The following GSG1L variants were observed in gnomAD, a reference collection of about 807,000 sequenced individuals.
The protein encoded by GSG1L is germ cell-specific gene 1-like protein.
A neutral mutation model predicts 42.1 loss-of-function variants in GSG1L; 24 were observed. The ratio of observed to expected loss-of-function variants is 0.57; its 90% CI spans 0.41 to 0.80. The LOEUF (loss-of-function observed/expected upper bound fraction) is 0.80, where lower values mean the gene tolerates loss of function less well. Among genes scored for constraint, GSG1L ranks in the 30% least tolerant of loss-of-function variants. The pLI is 0.00. For synonymous variants in GSG1L, 215 were observed against 203.5 expected (o/e 1.06, Z -0.48); for missense variants, 445 against 472.2 (o/e 0.94, Z 0.53).
intron 2 of GSG1L, among the ~76,000 whole-genome samples, chr16:27,895,989 C>G (rs886276915): frequency 6.6e-6 from 1 of 152,162 alleles, no homozygotes; most frequent in African/African-American, 2.4e-5. Context: ...GTCTACAAAC[C>G]AGCAGCGTCA....
intron 3 of GSG1L, among the ~76,000 whole-genome samples, chr16:27,855,883 C>G (rs542661101): frequency 6.6e-6 from 1 of 151,966 alleles, no homozygotes; most frequent in African/African-American, 2.4e-5. Context: ...GAGCCTACAC[C>G]GGGTGCTCTG....
In GSG1L at chr16:27,966,753, T is replaced by G. The variant is rs143647369; in HGVS notation, c.350-3550A>C. On this transcript the variant is annotated intron_variant, in intron 1 of 6. Transcript: ENST00000447459. ...AGAGAGGGGGCGCACGCTGGACCTA[T>G]GCTCACAAACACATTTTGTTTGACC... Among the ~76,000 whole-genome samples the G allele has an allele frequency of 1.5e-3, 233 of 152,338 alleles. 1 individual carries two copies. The highest frequency in any genetic ancestry group is 4.6e-3 in the African/African-American group (190 of 41,578).
At chr16:27,895,165 T>C (rs2084176441) in intron 2 of GSG1L, among the ~76,000 whole-genome samples, 1 of 152,130 alleles carries the variant, frequency 6.6e-6, no homozygotes, top group Non-Finnish European at 1.5e-5. Context: ...ATTTTAAAAA[T>C]ATCTGAATTC....
chr16:28,035,520 G>A (rs964541858), intron 1 of GSG1L, among the ~76,000 whole-genome samples: 4 of 152,140 alleles, frequency 2.6e-5, no homozygotes, highest in African/African-American at 7.2e-5. Context: ...CCCATCACAA[G>A]AGCAGGCAGT....
At position 28,063,202 on chromosome 16, in the gene GSG1L, TGGC is replaced by T. The variant is rs746146565; in HGVS notation, c.220_222del (p.Ala74del). 1,709 of 1,261,638 alleles carry T rather than the reference TGGC, an allele frequency of 1.4e-3. No homozygotes were observed. The highest frequency in any genetic ancestry group is 7.8e-3 in the South Asian group (319 of 40,870). The allele number at this position is 1,261,638 out of a possible 1,614,324, so 78.2% of individuals were successfully genotyped here. A position where few individuals can be genotyped will look rare whatever the true frequency, so the allele number is the denominator to read the frequency against. ...CCAGGGGGGCCGTTCCCCGAGGCGGTGGCGGCGGCGGCGGCGGCGGCGGGGGCG... is the reference window on the plus strand; with the variant it reads ...CCAGGGGGGCCGTTCCCCGAGGCGGTGGCGGCGGCGGCGGCGGCGGGGGCG... On this transcript the variant is annotated inframe_deletion, in exon 1 of 7. Transcript: ENST00000447459. This position sits in a 1 kb window ranked among gnomAD's most constrained non-coding sequence, Gnocchi z 5.8.
chr16:27,982,582 C>A (rs868394406), intron 1 of GSG1L, among the ~76,000 whole-genome samples: 1 of 152,074 alleles, frequency 6.6e-6, no homozygotes, highest in Non-Finnish European at 1.5e-5. Flanking sequence ...GTCTATTTTG[C>A]GTTGCTATAA....
chr16:27,807,942 A>G (rs1447845102), intron 5 of GSG1L, among the ~76,000 whole-genome samples: 1 of 152,244 alleles, frequency 6.6e-6, no homozygotes, highest in Non-Finnish European at 1.5e-5. Context: ...CACAGAAATT[A>G]TTTTGGCAGA....
intron 3 of GSG1L, among the ~76,000 whole-genome samples, chr16:27,874,437 G>T (rs2083859818): frequency 1.0e-5 from 1 of 95,334 alleles, no homozygotes; most frequent in Non-Finnish European, 2.1e-5. Flanking sequence ...AAGCACAGGA[G>T]AGCCTTTTTT....
chr16:27,869,597 GTC>G (rs1460278568), intron 3 of GSG1L, among the ~76,000 whole-genome samples: 2 of 114,778 alleles, frequency 1.7e-5, no homozygotes, highest in Admixed American at 9.5e-5. Flanking sequence ...CCTTCTCTCT[GTC>G]TCTGTCTCCA....
chr16:27,820,346 C>A (rs2083138423), intron 5 of GSG1L, among the ~76,000 whole-genome samples: 1 of 152,030 alleles, frequency 6.6e-6, no homozygotes, highest in South Asian at 2.1e-4. Context: ...CACACAGGAC[C>A]AGGAGAAGTG....
intron 1 of GSG1L, among the ~76,000 whole-genome samples, chr16:28,042,164 A>G: frequency 6.6e-6 from 1 of 152,160 alleles, no homozygotes; most frequent in East Asian, 1.9e-4. Context: ...GGCTGGGCGC[A>G]GTGGTTCGTG....
chr16:27,964,498 C>T (rs900074046), intron 1 of GSG1L, among the ~76,000 whole-genome samples: 1 of 152,078 alleles, frequency 6.6e-6, no homozygotes, highest in Non-Finnish European at 1.5e-5. Context: ...TGGATAGCAG[C>T]ACTATCCAAG....
intron 1 of GSG1L, among the ~76,000 whole-genome samples, chr16:28,017,847 T>C (rs2085797388): frequency 6.6e-6 from 1 of 152,144 alleles, no homozygotes; most frequent in Non-Finnish European, 1.5e-5. Context: ...AAGTGACTCA[T>C]GCAAAATTAA....
intron 1 of GSG1L, among the ~76,000 whole-genome samples, chr16:28,058,292 C>A (rs2086301016): frequency 6.6e-6 from 1 of 152,230 alleles, no homozygotes; most frequent in Admixed American, 6.5e-5. Context: ...ATGAGAGCAA[C>A]CACGGCACCC....
intron 1 of GSG1L, among the ~76,000 whole-genome samples, chr16:28,029,530 G>GGGATGGATGGATGGATGGATGGAT (rs60587266): frequency 1.0e-4 from 15 of 149,358 alleles, no homozygotes; most frequent in South Asian, 2.2e-4. Context: ...GGTGCATGAA[G>GGGATGGATGGATGGATGGATGGAT]GGATGGATGG....
rs35388739 is a variant in GSG1L, at chr16:27,906,114, TA to T, written c.398-21477del. Among the ~76,000 whole-genome samples, 495 of 149,578 alleles carry T rather than the reference TA, an allele frequency of 3.3e-3. 4 individuals are homozygous for T. Among genetic ancestry groups the T allele is most frequent in the African/African-American group, 0.011 (465 of 40,768 alleles). On this transcript the variant is annotated intron_variant, in intron 2 of 6. Coordinates refer to ENST00000447459, the MANE Select transcript of GSG1L (RefSeq NM_001109763.2). ...TTCCAAATGCCTCCTGTTTCAGGTT[TA>T]AAAAAAAAAGTTTTTTAAGGAGGCT...
chr16:27,891,576 G>A (rs572847140), intron 2 of GSG1L, among the ~76,000 whole-genome samples: 4 of 152,102 alleles, frequency 2.6e-5, no homozygotes, highest in South Asian at 4.2e-4. Context: ...GAGCTCAAGC[G>A]ATCCTACCGC....
At chr16:27,838,403 G>A (rs963688136) in intron 4 of GSG1L, among the ~76,000 whole-genome samples, 2 of 152,182 alleles carry the variant, frequency 1.3e-5, no homozygotes, top group African/African-American at 2.4e-5. Flanking sequence ...AAACTCTGGG[G>A]CCAGAACACC....
chr16:27,865,084 T>G (rs899370364), intron 3 of GSG1L, among the ~76,000 whole-genome samples: 2 of 152,142 alleles, frequency 1.3e-5, no homozygotes, highest in Admixed American at 6.5e-5. Flanking sequence ...GAGACCAAGA[T>G]GGCGCCAGTC....
Sources: allele counts gnomAD v4.1 joint callset (sites outside exome capture counted in the v4.1 genomes callset), GRCh38; gene constraint gnomAD v4.1.1; non-coding constraint Gnocchi (gnomAD v3.1); transcripts MANE v1.5; gene names NCBI Gene and HGNC (gene_info 2026-07-23, HGNC 2026-07-21).